Variants in BRD10 observed in about 807,000 individuals in gnomAD.
BRD10 encodes the protein bromodomain containing 10, also known as uncharacterized bromodomain-containing protein 10.
chr9:5,999,049 A>G, the BRD10 span, among the ~76,000 whole-genome samples: 104 of 152,186 alleles, frequency 6.8e-4, no homozygotes, highest in African/African-American at 2.3e-3. Flanking sequence ...CTAAGCTGTC[A>G]AATTAAGCAT....
At chr9:5,922,833 G>C in the BRD10 span, 2 of 1,613,940 alleles carry the variant, frequency 1.2e-6, no homozygotes, top group Admixed American at 3.3e-5. Flanking sequence ...GTATTGGTGT[G>C]GCAGGTCAAT....
the BRD10 span, among the ~76,000 whole-genome samples, chr9:5,917,598 C>T: frequency 1.3e-5 from 2 of 152,194 alleles, no homozygotes; most frequent in East Asian, 1.9e-4. Context: ...CTTTGGGAGG[C>T]CAAGGTGGGC....
the BRD10 span, chr9:5,891,061 T>C: frequency 6.6e-6 from 1 of 152,144 alleles, no homozygotes; most frequent in Non-Finnish European, 1.5e-5. Flanking sequence ...ACAGAATTTC[T>C]CCGCAACGTT....
chr9:5,948,883 A>C, the BRD10 span, among the ~76,000 whole-genome samples: 1 of 152,134 alleles, frequency 6.6e-6, no homozygotes, highest in East Asian at 1.9e-4. Context: ...GCATCTGCTA[A>C]AACTATGCAG....
the BRD10 span, among the ~76,000 whole-genome samples, chr9:5,888,939 T>C: frequency 1.3e-5 from 2 of 152,152 alleles, no homozygotes; most frequent in South Asian, 4.1e-4. Context: ...AAGTGGATTT[T>C]ATATGATAAC....
the BRD10 span, among the ~76,000 whole-genome samples, chr9:5,997,627 A>C: frequency 2.0e-5 from 3 of 152,224 alleles, no homozygotes; most frequent in African/African-American, 4.8e-5. Context: ...AATATATCAT[A>C]AACATGGTAA....
At chr9:5,929,779 T>G in the BRD10 span, among the ~76,000 whole-genome samples, 1 of 152,164 alleles carries the variant, frequency 6.6e-6, no homozygotes, top group Non-Finnish European at 1.5e-5. Context: ...TAGAGAGAGC[T>G]CTAGCATTTA....
At chr9:5,933,605 G>T in the BRD10 span, 1 of 336,808 alleles carries the variant, frequency 3.0e-6, no homozygotes, top group Non-Finnish European at 6.0e-6. Flanking sequence ...ATTATATCAT[G>T]CAGTTTTATA....
At chr9:5,974,159 G>A in the BRD10 span, among the ~76,000 whole-genome samples, 76 of 152,184 alleles carry the variant, frequency 5.0e-4, 1 homozygote, top group Admixed American at 4.6e-3. Context: ...GACAGATTAC[G>A]TATACAGGAA....
At chr9:5,880,531 C>T in the BRD10 span, among the ~76,000 whole-genome samples, 27 of 151,616 alleles carry the variant, frequency 1.8e-4, no homozygotes, top group African/African-American at 6.5e-4. Context: ...CAAACAAAAA[C>T]AAAAAACAAA....
chr9:5,939,188 T>C, the BRD10 span, among the ~76,000 whole-genome samples: 1 of 152,282 alleles, frequency 6.6e-6, no homozygotes, highest in South Asian at 2.1e-4. Flanking sequence ...GTGAAAGCCG[T>C]TATTAATGTT....
chr9:5,925,780 A>C, the BRD10 span, among the ~76,000 whole-genome samples: 2 of 152,262 alleles, frequency 1.3e-5, no homozygotes, highest in African/African-American at 2.4e-5. Flanking sequence ...TATTTCTGAG[A>C]AACTAGAGAT....
At chr9:5,991,196 ATATATC>A in the BRD10 span, among the ~76,000 whole-genome samples, 2 of 121,256 alleles carry the variant, frequency 1.6e-5, no homozygotes, top group African/African-American at 2.8e-5. Context: ...ATATATATAT[ATATATC>A]ATGCATGTAC....
chr9:5,907,992 G>A, the BRD10 span, among the ~76,000 whole-genome samples: 1 of 152,102 alleles, frequency 6.6e-6, no homozygotes, highest in Non-Finnish European at 1.5e-5. Flanking sequence ...TAAGTGGCTT[G>A]TACCATATTT....
the BRD10 span, among the ~76,000 whole-genome samples, chr9:5,985,794 T>A: frequency 0.066 from 9,392 of 142,304 alleles, 583 homozygotes; most frequent in African/African-American, 0.16. Flanking sequence ...TCAAAAAAAA[T>A]AAATAAATAA....
chr9:5,981,977 A>G, the BRD10 span, among the ~76,000 whole-genome samples: 1 of 152,134 alleles, frequency 6.6e-6, no homozygotes, highest in Non-Finnish European at 1.5e-5. Flanking sequence ...AATCACCACT[A>G]AAGAACTTAT....
At chr9:5,981,443 T>C in the BRD10 span, among the ~76,000 whole-genome samples, 1 of 151,946 alleles carries the variant, frequency 6.6e-6, no homozygotes, top group East Asian at 1.9e-4. Context: ...ATGTGCCACA[T>C]GTTTCCTGGC....
chr9:6,007,560 G>T, the BRD10 span: 3 of 1,612,836 alleles, frequency 1.9e-6, no homozygotes, highest in South Asian at 2.2e-5. Flanking sequence ...GTAGCTCGTA[G>T]GTCAGCTCCT....
At chr9:6,007,152 T>G in the BRD10 span, 7 of 1,573,240 alleles carry the variant, frequency 4.4e-6, no homozygotes, top group Non-Finnish European at 5.2e-6. Flanking sequence ...GAGTGTGTGT[T>G]TGTGTCAGTC....
Sources: gnomAD v4.1 joint callset for allele counts (sites outside exome capture counted in the v4.1 genomes callset) on GRCh38, gnomAD v4.1.1 for gene constraint, MANE v1.5 for transcripts, NCBI Gene and HGNC (gene_info 2026-07-23, HGNC 2026-07-21) for gene names.